The following MDFIC2 variants were observed in gnomAD, a reference collection of about 807,000 sequenced individuals.
MDFIC2 encodes myoD family inhibitor domain-containing protein 2.
chr3:70,223,248 G>A (rs567009921), intron 2 of MDFIC2, among the ~76,000 whole-genome samples: 7 of 152,124 alleles, frequency 4.6e-5, no homozygotes, highest in East Asian at 3.9e-4. Flanking sequence ...CAAAGCAATC[G>A]AAACTCAGAG....
chr3:70,196,028 G>A lies in MDFIC2; in HGVS notation c.*898C>T, dbSNP rs968802795. Among the ~76,000 whole-genome samples, 3 of 152,086 alleles carry A rather than the reference G, an allele frequency of 2.0e-5. No homozygotes were observed. Among genetic ancestry groups the A allele is most frequent in the East Asian group, 1.9e-4 (1 of 5,194 alleles). On this transcript the variant is annotated 3_prime_UTR_variant, in exon 4 of 4. Transcript: ENST00000567252. ...TTGGTGCTGAATAAGTACCCTCAAC[G>A]CTTATTTCTTTCTGGTGTCTATACA...
chr3:70,238,054 A>G (rs1206947390), intron 2 of MDFIC2, among the ~76,000 whole-genome samples: 1 of 119,842 alleles, frequency 8.3e-6, no homozygotes, highest in Non-Finnish European at 1.6e-5. Context: ...CTTTATAGTG[A>G]CGAACCTATT....
At chr3:70,213,683 T>C (rs963793000) in intron 2 of MDFIC2, among the ~76,000 whole-genome samples, 2 of 152,138 alleles carry the variant, frequency 1.3e-5, no homozygotes, top group Admixed American at 6.6e-5. Flanking sequence ...GTGAAGTTCA[T>C]TCAAATGTTA....
intron 2 of MDFIC2, among the ~76,000 whole-genome samples, chr3:70,307,734 C>T (rs1053575199): frequency 2.0e-5 from 3 of 152,158 alleles, no homozygotes; most frequent in African/African-American, 7.2e-5. Flanking sequence ...GCTCATATCA[C>T]ACAAGCCTTG....
At chr3:70,228,424 CA>C (rs908224227) in intron 2 of MDFIC2, among the ~76,000 whole-genome samples, 27 of 145,476 alleles carry the variant, frequency 1.9e-4, no homozygotes, top group Admixed American at 2.7e-4. Flanking sequence ...GTTAGGCTGC[CA>C]AAAAAAAAAT....
intron 2 of MDFIC2, among the ~76,000 whole-genome samples, chr3:70,299,456 C>T (rs1702324971): frequency 6.6e-6 from 1 of 152,046 alleles, no homozygotes; most frequent in Non-Finnish European, 1.5e-5. Context: ...CGTAAAGCCA[C>T]ACAAAAGCAC....
At chr3:70,288,817 C>T (rs891558399) in intron 2 of MDFIC2, among the ~76,000 whole-genome samples, 4 of 151,604 alleles carry the variant, frequency 2.6e-5, no homozygotes, top group African/African-American at 9.7e-5. Flanking sequence ...TATGTAATGG[C>T]CTTCTTTGTC....
intron 2 of MDFIC2, among the ~76,000 whole-genome samples, chr3:70,236,908 T>C (rs1436657381): frequency 1.3e-5 from 2 of 152,204 alleles, no homozygotes; most frequent in East Asian, 3.8e-4. Context: ...AAAACCTTTA[T>C]TTATGTAAAA....
At chr3:70,256,696 A>G (rs1321259351) in intron 2 of MDFIC2, among the ~76,000 whole-genome samples, 1 of 152,208 alleles carries the variant, frequency 6.6e-6, no homozygotes, top group Non-Finnish European at 1.5e-5. Context: ...ATGGGGAAGC[A>G]ATGGAAAGGG....
At chr3:70,266,442 CAG>C (rs1701917536) in intron 2 of MDFIC2, among the ~76,000 whole-genome samples, 1 of 151,666 alleles carries the variant, frequency 6.6e-6, no homozygotes, top group African/African-American at 2.4e-5. Context: ...TATTTAGAGA[CAG>C]GGTCTCATTT....
intron 2 of MDFIC2, among the ~76,000 whole-genome samples, chr3:70,309,655 C>G (rs931678180): frequency 6.6e-6 from 1 of 152,116 alleles, no homozygotes; most frequent in East Asian, 1.9e-4. Flanking sequence ...TAAATATATG[C>G]CAACCCATAT....
chr3:70,232,920 G>T (rs1234410443), intron 2 of MDFIC2, among the ~76,000 whole-genome samples: 1 of 152,062 alleles, frequency 6.6e-6, no homozygotes, highest in Non-Finnish European at 1.5e-5. Flanking sequence ...TAGGCGTGGG[G>T]GTTCACACCG....
intron 2 of MDFIC2, among the ~76,000 whole-genome samples, chr3:70,279,294 A>G (rs1246838081): frequency 6.6e-6 from 1 of 152,076 alleles, no homozygotes; most frequent in Non-Finnish European, 1.5e-5. Flanking sequence ...TGAGAGATCA[A>G]ACAAATCATC....
intron 2 of MDFIC2, among the ~76,000 whole-genome samples, chr3:70,287,914 T>G (rs201141641): frequency 1.7e-4 from 26 of 149,502 alleles, no homozygotes; most frequent in South Asian, 2.1e-4. Context: ...ATCCCCTTTA[T>G]CATTTTTTAT....
chr3:70,282,205 G>T (rs1047789589), intron 2 of MDFIC2, among the ~76,000 whole-genome samples: 3 of 152,108 alleles, frequency 2.0e-5, no homozygotes, highest in Non-Finnish European at 4.4e-5. Context: ...CTTCTTTCCT[G>T]GCAGTATTTG....
chr3:70,223,346 A>G (rs921819430), intron 2 of MDFIC2, among the ~76,000 whole-genome samples: 1 of 152,130 alleles, frequency 6.6e-6, no homozygotes, highest in Non-Finnish European at 1.5e-5. Flanking sequence ...ACCACCACCT[A>G]TCTCTGCACA....
chr3:70,220,562 A>T (rs1433444108), intron 2 of MDFIC2, among the ~76,000 whole-genome samples: 1 of 152,200 alleles, frequency 6.6e-6, no homozygotes, highest in Non-Finnish European at 1.5e-5. Flanking sequence ...GAATTTCAAC[A>T]TACAAAACTA....
In MDFIC2 at chr3:70,197,163, G is replaced by T; in HGVS notation, c.333C>A (p.Leu111=). 1 of 398,448 alleles carries T rather than the reference G, an allele frequency of 2.5e-6. No individual in the cohort carries two copies. Among genetic ancestry groups the T allele is most frequent in the South Asian group, 1.3e-4 (1 of 7,848 alleles). The allele number at this position is 398,448 out of a possible 1,614,324, so 24.7% of individuals were successfully genotyped here. A position where few individuals can be genotyped will look rare whatever the true frequency, so the allele number is the denominator to read the frequency against. ...DTDEECASLI[L]ACLFCQFWDC... is the part of the protein sequence containing the mutation. The stretch of plus-strand genomic sequence containing the variant: ...CCCAAAACTGGCAAAACAGACAGGC[G>T]AGGATAAGGGAGGCACACTCCTCTG... The change falls in exon 4 of 4, where the codon CTC becomes CTA. Residue 111 remains leucine, a synonymous_variant. Coordinates refer to ENST00000567252, the MANE Select transcript of MDFIC2 (RefSeq NM_001364677.1).
chr3:70,211,544 TC>T lies in MDFIC2; in HGVS notation c.89-4755del, dbSNP rs1701348891. 3.5e-5 allele frequency among the ~76,000 whole-genome samples: 2 copies of T among 57,464 alleles called. 1 individual carries two copies. The highest frequency in any genetic ancestry group is 7.1e-5 in the Non-Finnish European group (2 of 28,154). 37.7% of individuals were successfully genotyped at this position (57,464 alleles called of 152,430 possible). On this transcript the variant is annotated intron_variant, in intron 2 of 3. Transcript: ENST00000567252. ...CCTTCCCTTCCCTTTGCCCTTCCCT[TC>T]CCTTCCCTTCCCTTTGCCCTTCCCT...
Sources: gnomAD v4.1 joint callset for allele counts (sites outside exome capture counted in the v4.1 genomes callset) on GRCh38, gnomAD v4.1.1 for gene constraint, MANE v1.5 for transcripts, NCBI Gene and HGNC (gene_info 2026-07-23, HGNC 2026-07-21) for gene names.